Variants in PLCL2 observed in about 807,000 individuals in gnomAD.
PLCL2 encodes phospholipase C like 2.
A neutral mutation model predicts 79.6 loss-of-function variants in PLCL2; 4 were observed. That is an observed-to-expected ratio of 0.05 (90% CI 0.02 to 0.11). The LOEUF is 0.11. PLCL2 is among the 10% of genes least tolerant of loss of function. PLCL2 has a pLI of 1.00. For synonymous variants in PLCL2, 484 were observed against 457.7 expected (o/e 1.06, Z -0.73); for missense variants, 895 against 1,291.0 (o/e 0.69, Z 4.70).
At chr3:16,954,521 T>C (rs2063685258) in intron 1 of PLCL2, among the ~76,000 whole-genome samples, 1 of 152,164 alleles carries the variant, frequency 6.6e-6, no homozygotes, top group African/African-American at 2.4e-5. Context: ...GCATGATTTA[T>C]AATCCTTTGG....
intron 1 of PLCL2, among the ~76,000 whole-genome samples, chr3:16,952,109 C>T (rs1156779014): frequency 2.0e-5 from 3 of 151,634 alleles, no homozygotes; most frequent in Non-Finnish European, 4.4e-5. Context: ...TGTTCTCACT[C>T]ATAAGTGGGA....
At chr3:17,043,776 A>C (rs566934705) in intron 4 of PLCL2, among the ~76,000 whole-genome samples, 1 of 151,880 alleles carries the variant, frequency 6.6e-6, no homozygotes, top group Non-Finnish European at 1.5e-5. Context: ...TATGTGTGAC[A>C]TTTTTTTTCT....
intron 5 of PLCL2, among the ~76,000 whole-genome samples, chr3:17,079,200 T>G (rs901479456): frequency 6.6e-6 from 1 of 152,026 alleles, no homozygotes. Context: ...GTCCCCTCGC[T>G]CTCTGCATCC....
chr3:17,008,175 G>A (rs1006222917), intron 1 of PLCL2, among the ~76,000 whole-genome samples: 6 of 151,860 alleles, frequency 4.0e-5, no homozygotes, highest in Non-Finnish European at 8.8e-5. Context: ...TAAGGTACAA[G>A]GTGACATTGT....
intron 1 of PLCL2, among the ~76,000 whole-genome samples, chr3:16,933,820 C>G (rs991734336): frequency 6.6e-6 from 1 of 152,052 alleles, no homozygotes; most frequent in Admixed American, 6.5e-5. Flanking sequence ...GTAATCCCAG[C>G]TCTCTTGGAG....
intron 1 of PLCL2, among the ~76,000 whole-genome samples, chr3:16,999,292 G>A (rs1256362763): frequency 6.6e-6 from 1 of 152,160 alleles, no homozygotes; most frequent in Non-Finnish European, 1.5e-5. Flanking sequence ...AGTTAAACAA[G>A]ACTCAGAGAG....
intron 3 of PLCL2, among the ~76,000 whole-genome samples, chr3:17,015,489 A>G (rs751652007): frequency 1.3e-5 from 2 of 152,198 alleles, no homozygotes; most frequent in Non-Finnish European, 2.9e-5. Flanking sequence ...CATTTTCTTA[A>G]TCACATCCTG....
chr3:17,083,719 C>T (rs191458130), intron 5 of PLCL2, among the ~76,000 whole-genome samples: 2 of 152,190 alleles, frequency 1.3e-5, no homozygotes, highest in East Asian at 1.9e-4. Context: ...ACACTAGGAC[C>T]TACTGACAGA....
Position 17,009,993 on chromosome 3 carries a change from G to T in PLCL2, c.647G>T (p.Cys216Phe), listed in dbSNP as rs1469932895. 1 of 1,614,076 alleles carries T rather than the reference G, an allele frequency of 6.2e-7. No individual in the cohort carries two copies. The highest frequency in any genetic ancestry group is 2.2e-5 in the East Asian group (1 of 44,880). ...NGISDQISED[C>F]AFSVIYGENY... ...ATTTCTGACCAGATATCTGAAGATT[G>T]TGCGTTTTCCGTCATATATGGAGAG... is the stretch of plus-strand genomic sequence containing the variant. The change falls in exon 2 of 6, where the codon TGT becomes TTT. Residue 216 changes from cysteine (C) to phenylalanine (F), a missense_variant. By Grantham distance (205) the Cys-to-Phe change is radical. This residue lies in a region of PLCL2 where 129 missense variants were observed against 208.8 expected (regional missense o/e 0.62). Coordinates refer to ENST00000615277, the MANE Select transcript of PLCL2 (RefSeq NM_001144382.2). This position sits in a 1 kb window ranked among gnomAD's most constrained non-coding sequence, Gnocchi z 4.0.
At chr3:17,057,164 A>G (rs1057101343) in intron 4 of PLCL2, among the ~76,000 whole-genome samples, 7 of 152,200 alleles carry the variant, frequency 4.6e-5, no homozygotes, top group Non-Finnish European at 5.9e-5. Flanking sequence ...AACACTAGTC[A>G]TGTTCCTCGG....
At chr3:17,008,520 T>C (rs1014865124) in intron 1 of PLCL2, among the ~76,000 whole-genome samples, 1 of 152,102 alleles carries the variant, frequency 6.6e-6, no homozygotes, top group African/African-American at 2.4e-5. Flanking sequence ...TGTAAATTCC[T>C]GGGCACCAGC....
At chr3:16,893,785 C>G (rs1002009986) in intron 1 of PLCL2, among the ~76,000 whole-genome samples, 1 of 152,192 alleles carries the variant, frequency 6.6e-6, no homozygotes, top group Non-Finnish European at 1.5e-5. Context: ...CTATAGATAG[C>G]TGCATGTGTA....
chr3:16,975,029 C>CAG (rs1282095451), intron 1 of PLCL2, among the ~76,000 whole-genome samples: 8 of 152,194 alleles, frequency 5.3e-5, no homozygotes, highest in Admixed American at 4.6e-4. Flanking sequence ...CTGGTCTGCT[C>CAG]AAGTAGAGGA....
Position 17,023,100 on chromosome 3 carries a change from T to A in PLCL2, c.3018+8189T>A, listed in dbSNP as rs370969389. 5.9e-5 allele frequency among the ~76,000 whole-genome samples: 9 copies of A among 152,252 alleles called. 1 individual carries two copies. The highest frequency in any genetic ancestry group is 6.5e-5 in the Admixed American group (1 of 15,286). On this transcript the variant is annotated intron_variant, in intron 3 of 5. Transcript: ENST00000615277. ...CTAAAGCCACCATCCTCTCCTCCACTTTCTATTCACCTCGAGGTGGGTACA... is the reference window on the plus strand; with the variant it reads ...CTAAAGCCACCATCCTCTCCTCCACATTCTATTCACCTCGAGGTGGGTACA...
intron 5 of PLCL2, among the ~76,000 whole-genome samples, chr3:17,078,719 C>T (rs1322163723): frequency 2.2e-4 from 34 of 152,134 alleles, no homozygotes; most frequent in Admixed American, 2.2e-3. Context: ...TTCATTTTTA[C>T]CTGAGGTACA....
intron 1 of PLCL2, among the ~76,000 whole-genome samples, chr3:16,918,133 C>A (rs1697040347): frequency 6.6e-6 from 1 of 152,142 alleles, no homozygotes; most frequent in South Asian, 2.1e-4. Flanking sequence ...GGTTCATACC[C>A]TTAATCTGAG....
At chr3:17,073,630 C>G (rs36118680) in intron 5 of PLCL2, among the ~76,000 whole-genome samples, 23,358 of 152,166 alleles carry the variant, frequency 0.15, 2,054 homozygotes, top group Non-Finnish European at 0.17. Flanking sequence ...AGTAGAACTT[C>G]TTTGAAAATC....
intron 1 of PLCL2, among the ~76,000 whole-genome samples, chr3:16,941,175 G>A (rs543834130): frequency 6.6e-6 from 1 of 152,264 alleles, no homozygotes; most frequent in African/African-American, 2.4e-5. Context: ...ACTCCCTGCT[G>A]TATGCTCATG....
intron 5 of PLCL2, among the ~76,000 whole-genome samples, chr3:17,085,803 C>G (rs879869278): frequency 6.6e-6 from 1 of 152,176 alleles, no homozygotes; most frequent in Non-Finnish European, 1.5e-5. Flanking sequence ...ATTAAAAACA[C>G]ATGACCATTT....
Sources: gnomAD v4.1 joint callset for allele counts (sites outside exome capture counted in the v4.1 genomes callset) on GRCh38, gnomAD v4.1.1 for gene constraint, gnomAD v4.1.1 regional missense constraint, Gnocchi (gnomAD v3.1) non-coding constraint, MANE v1.5 for transcripts, NCBI Gene and HGNC (gene_info 2026-07-23, HGNC 2026-07-21) for gene names.